The following SRP72 variants were observed in gnomAD, a reference collection of about 807,000 sequenced individuals.
SRP72 encodes the protein signal recognition particle subunit SRP72.
A neutral mutation model predicts 96.3 loss-of-function variants in SRP72; 49 were observed. The observed-to-expected ratio is 0.51, with a 90% confidence interval of 0.40 to 0.65. The LOEUF is 0.65. Among genes scored for constraint, SRP72 ranks in the 30% least tolerant of loss-of-function variants. The probability of loss-of-function intolerance (pLI) is 0.00; values close to 1 mark genes in which losing one functional copy is unlikely to be tolerated. For synonymous variants in SRP72, 267 were observed against 275.2 expected, an observed-to-expected ratio of 0.97 and a Z score of 0.30; for missense variants, 736 against 793.3, an observed-to-expected ratio of 0.93 and a Z score of 0.87.
At chr4:56,500,209 G>T (rs911131283) in intron 17 of SRP72, among the ~76,000 whole-genome samples, 1 of 152,062 alleles carries the variant, frequency 6.6e-6, no homozygotes, top group African/African-American at 2.4e-5. Flanking sequence ...CACCAGGCCT[G>T]TCGGGGGGCG....
At chr4:56,473,780 A>G (rs1484078043) in intron 3 of SRP72, among the ~76,000 whole-genome samples, 1 of 152,146 alleles carries the variant, frequency 6.6e-6, no homozygotes, top group African/African-American at 2.4e-5. Flanking sequence ...AAAAAAGAAA[A>G]AGAAAAGAAA....
chr4:56,479,620 C>T lies in SRP72; in HGVS notation c.825+971C>T, dbSNP rs1434298895. Among the ~76,000 whole-genome samples the T allele has an allele frequency of 6.0e-5, 9 of 150,630 alleles. No homozygotes were observed. In the East Asian group the frequency reaches 1.6e-3, roughly 26 times the overall value. On this transcript the variant is annotated intron_variant, in intron 8 of 18. Transcript: ENST00000642900. ...CAGTCCTCCCAAGTACCTGGGACCA[C>T]AGGTACACACCACCATGCCCGGCTA...
intron 13 of SRP72, 144 bp from the exon 14 acceptor site, chr4:56,490,189 T>C: frequency 1.6e-6 from 1 of 625,002 alleles, no homozygotes; most frequent in Non-Finnish European, 2.8e-6. Flanking sequence ...GTGTGGATGA[T>C]TTTGTTGTTT....
rs1553948610 is a variant in SRP72, at chr4:56,502,496, C to CATATATATATATATACAT, written c.*650_*651insCATATATATATATATATA. The CATATATATATATATACAT allele has an allele frequency of 8.8e-6, 1 of 113,772 alleles. No homozygotes were observed. The highest frequency in any genetic ancestry group is 1.8e-5 in the Non-Finnish European group (1 of 56,784). 7.0% of individuals were successfully genotyped at this position (113,772 alleles called of 1,614,324 possible). On this transcript the variant is annotated 3_prime_UTR_variant, in exon 19 of 19. Coordinates refer to ENST00000642900, the MANE Select transcript of SRP72 (RefSeq NM_006947.4). ...ATATATATATATGTATATATATATA[C>CATATATATATATATACAT]ATATATATATATATATAAACATGAA...
chr4:56,486,743 G>A (rs777710959), intron 11 of SRP72, among the ~76,000 whole-genome samples: 1 of 152,092 alleles, frequency 6.6e-6, no homozygotes, highest in Non-Finnish European at 1.5e-5. Context: ...ATATTTGTAC[G>A]ACTACTTTGC....
rs1329792761 is a variant in SRP72 at position 56,502,548 on chromosome 4, C to T, written c.*687C>T. The T allele has an allele frequency of 6.9e-6, 1 of 145,132 alleles. No individual in the cohort carries two copies. Among genetic ancestry groups the T allele is most frequent in the African/African-American group, 2.5e-5 (1 of 39,286 alleles). The allele number at this position is 145,132 out of a possible 1,614,324, so 9.0% of individuals were successfully genotyped here. A position where few individuals can be genotyped will look rare whatever the true frequency, so the allele number is the denominator to read the frequency against. On this transcript the variant is annotated 3_prime_UTR_variant, in exon 19 of 19. Coordinates refer to ENST00000642900, the MANE Select transcript of SRP72 (RefSeq NM_006947.4). The stretch of plus-strand genomic sequence containing the variant: ...TATATATATATGGCTCCTTTGTGCC[C>T]CATGTCATTTTCAGATTATGGTAGC...
At position 56,487,246 on chromosome 4, in the gene SRP72, G is replaced by A. The variant is rs527866725; in HGVS notation, c.1160-703G>A. Reference sequence around the variant, plus strand: ...TTGAAGGAGGGGAGTTGGCAGTTAGGGAAAAAATGTTTAAAATGTCCTTAG... The same window carrying A: ...TTGAAGGAGGGGAGTTGGCAGTTAGAGAAAAAATGTTTAAAATGTCCTTAG... On this transcript the variant is annotated intron_variant, in intron 11 of 18. Transcript: ENST00000642900. Among the ~76,000 whole-genome samples, 124 of 152,124 alleles carry A rather than the reference G, an allele frequency of 8.2e-4. No homozygotes were observed. The Middle Eastern group carries it at 0.014, about 17-fold the overall frequency.
chr4:56,481,515 C>CT (rs1309892544), intron 8 of SRP72, among the ~76,000 whole-genome samples: 9 of 151,746 alleles, frequency 5.9e-5, no homozygotes, highest in Non-Finnish European at 1.0e-4. Flanking sequence ...AATTGAGCTT[C>CT]TTTATGCTTT....
intron 2 of SRP72, among the ~76,000 whole-genome samples, chr4:56,470,743 C>G (rs1458315201): frequency 6.6e-6 from 1 of 151,726 alleles, no homozygotes; most frequent in Non-Finnish European, 1.5e-5. Flanking sequence ...AATATGTTTG[C>G]TAAAATTCAG....
chr4:56,480,892 T>A (rs1720456047), intron 8 of SRP72, among the ~76,000 whole-genome samples: 2 of 152,120 alleles, frequency 1.3e-5, no homozygotes, highest in Admixed American at 6.5e-5. Flanking sequence ...AGGACTGTGG[T>A]TTGAAGGTTA....
chr4:56,485,514 G>A (rs1289969328), intron 10 of SRP72, among the ~76,000 whole-genome samples: 1 of 151,888 alleles, frequency 6.6e-6, no homozygotes, highest in African/African-American at 2.4e-5. Context: ...ACATTTTGTG[G>A]GGGTCGCCAG....
chr4:56,481,665 A>G (rs992844615), intron 8 of SRP72, among the ~76,000 whole-genome samples: 2 of 152,050 alleles, frequency 1.3e-5, no homozygotes, highest in African/African-American at 2.4e-5. Context: ...CAGAGTCACT[A>G]CAGGCATACC....
intron 17 of SRP72, among the ~76,000 whole-genome samples, chr4:56,499,807 C>G (rs1014073921): frequency 6.6e-6 from 1 of 152,162 alleles, no homozygotes; most frequent in Non-Finnish European, 1.5e-5. Flanking sequence ...GACAGTGTGG[C>G]AATTCCTCAA....
chr4:56,473,284 C>T (rs1260270758), intron 3 of SRP72, among the ~76,000 whole-genome samples: 2 of 151,854 alleles, frequency 1.3e-5, no homozygotes, highest in Non-Finnish European at 2.9e-5. Context: ...ATGATGAAAC[C>T]CCATCTCTAC....
intron 6 of SRP72, 85 bp from the exon 7 acceptor site, chr4:56,478,294 T>C (rs1316212034): frequency 2.5e-5 from 34 of 1,371,288 alleles, no homozygotes; most frequent in Non-Finnish European, 3.0e-5. Context: ...TTCAGGATTG[T>C]ATCTCTTTTG....
Position 56,489,404 on chromosome 4 carries a change from C to A in SRP72, c.1241C>A (p.Thr414Asn). ...HKPGMVSALV[T>N]MYSHEEDIDS... ...GCTGTGTAGGTATCTGCATTAGTTA[C>A]CATGTATAGCCATGAAGAAGATATT... Residue 414 changes from threonine (T) to asparagine (N), a missense_variant, in exon 13 of 19, where the codon ACC (threonine) becomes AAC (asparagine). This residue lies in a region of SRP72 where 388 missense variants were observed against 431.8 expected (regional missense o/e 0.90). Coordinates refer to ENST00000642900, the MANE Select transcript of SRP72 (RefSeq NM_006947.4). 6.3e-7 allele frequency: 1 copy of A among 1,592,386 alleles called. No individual in the cohort carries two copies. The highest frequency in any genetic ancestry group is 8.6e-7 in the Non-Finnish European group (1 of 1,165,016).
chr4:56,473,747 A>C (rs1720083711), intron 3 of SRP72, among the ~76,000 whole-genome samples: 1 of 152,010 alleles, frequency 6.6e-6, no homozygotes, highest in African/African-American at 2.4e-5. Context: ...TCTAGGCAAC[A>C]AGAGCGAAAC....
intron 16 of SRP72, among the ~76,000 whole-genome samples, chr4:56,493,925 A>C (rs1334016199): frequency 1.3e-5 from 2 of 152,154 alleles, no homozygotes; most frequent in Non-Finnish European, 2.9e-5. Flanking sequence ...TGCAATAAAG[A>C]TTGCACCTGT....
intron 8 of SRP72, 29 bp downstream of exon 8, chr4:56,478,678 A>G: frequency 2.5e-6 from 4 of 1,600,478 alleles, no homozygotes; most frequent in South Asian, 1.1e-5. Flanking sequence ...TTCCATAGAT[A>G]TATTTTACCC....
Sources: allele counts gnomAD v4.1 joint callset (sites outside exome capture counted in the v4.1 genomes callset), GRCh38; gene constraint gnomAD v4.1.1; regional missense constraint gnomAD v4.1.1; transcripts MANE v1.5; gene names NCBI Gene and HGNC (gene_info 2026-07-23, HGNC 2026-07-21).